FAM193A: variants seen among roughly 807,000 people sequenced by gnomAD.
FAM193A encodes family with sequence similarity 193 member A, also known as protein FAM193A.
Under a neutral mutation model 126.5 loss-of-function variants are expected in FAM193A, and 22 were observed. The ratio of observed to expected loss-of-function variants is 0.17; its 90% CI spans 0.12 to 0.25. The LOEUF (loss-of-function observed/expected upper bound fraction) is 0.25. Ranked by LOEUF, FAM193A falls within the 10% of genes least tolerant of loss-of-function variation. FAM193A has a pLI of 1.00. For synonymous variants in FAM193A, 761 were observed against 646.8 expected (o/e 1.18, Z -2.68); for missense variants, 1,675 against 1,672.8 (o/e 1.00, Z -0.02).
intron 6 of FAM193A, among the ~76,000 whole-genome samples, chr4:2,643,575 C>T (rs1312700348): frequency 6.6e-6 from 1 of 152,154 alleles, no homozygotes; most frequent in Admixed American, 6.5e-5. Context: ...TCCATTGTCC[C>T]CTTCTTTTTT....
intron 20 of FAM193A, 71 bp downstream of exon 20, chr4:2,716,175 T>G: frequency 1.0e-6 from 1 of 991,594 alleles, no homozygotes; most frequent in African/African-American, 1.6e-5. Context: ...TTTCTGTCTT[T>G]CCATGGCACT....
chr4:2,553,512 C>A (rs1335603990), intron 1 of FAM193A, among the ~76,000 whole-genome samples: 1 of 151,634 alleles, frequency 6.6e-6, no homozygotes, highest in African/African-American at 2.4e-5. Context: ...CCCTGAGTAG[C>A]TGGGACTACA....
chr4:2,662,872 G>A lies in FAM193A; in HGVS notation c.1780G>A (p.Ala594Thr). Residue 594 changes from alanine (A) to threonine (T), a missense_variant, in exon 11 of 21, where the codon GCC becomes ACC. Ala to Thr is a moderately conservative substitution (Grantham distance 58). Transcript: ENST00000637812. ...TGATGAAGATGTTGCACCATTGTCAGCCAAATTTGCTGATATTTATCCATT... is the reference window on the plus strand; with the variant it reads ...TGATGAAGATGTTGCACCATTGTCAACCAAATTTGCTGATATTTATCCATT... ...SDDEDVAPLS[A>T]KFADIYPLSN... is the part of the protein sequence containing the mutation. 6.2e-7 allele frequency: 1 copy of A among 1,611,624 alleles called. No individual in the cohort carries two copies. Among genetic ancestry groups the A allele is most frequent in the Non-Finnish European group, 8.5e-7 (1 of 1,177,968 alleles).
intron 19 of FAM193A, among the ~76,000 whole-genome samples, chr4:2,703,023 A>G (rs1179360836): frequency 1.3e-5 from 2 of 150,548 alleles, no homozygotes; most frequent in African/African-American, 2.4e-5. Context: ...TCAGTTTCTT[A>G]TTTGCTTTTC....
chr4:2,612,448 G>T (rs968397661), intron 2 of FAM193A, among the ~76,000 whole-genome samples: 3 of 152,016 alleles, frequency 2.0e-5, no homozygotes, highest in Non-Finnish European at 4.4e-5. Flanking sequence ...GCAGTGAGCC[G>T]AGATTGCACC....
chr4:2,639,532 G>A (rs550907170), intron 5 of FAM193A, among the ~76,000 whole-genome samples: 5 of 151,562 alleles, frequency 3.3e-5, no homozygotes, highest in East Asian at 1.9e-4. Flanking sequence ...ATCCATGTCC[G>A]TGTAGTCAGA....
intron 2 of FAM193A, among the ~76,000 whole-genome samples, chr4:2,601,288 A>G (rs1240259990): frequency 2.3e-5 from 3 of 131,544 alleles, no homozygotes; most frequent in Non-Finnish European, 4.6e-5. Flanking sequence ...GCTGGAGTGC[A>G]GTGGTGCGAT....
intron 20 of FAM193A, among the ~76,000 whole-genome samples, chr4:2,722,831 A>G (rs191985089): frequency 3.3e-5 from 5 of 152,302 alleles, no homozygotes; most frequent in South Asian, 2.1e-4. Flanking sequence ...TTAGAGACAA[A>G]TAAGTAAGTA....
At chr4:2,542,932 A>G (rs544635803) in intron 1 of FAM193A, among the ~76,000 whole-genome samples, 4 of 152,262 alleles carry the variant, frequency 2.6e-5, no homozygotes, top group South Asian at 2.1e-4. Flanking sequence ...GGTAGCTTCA[A>G]CAAAGGAGGA....
At position 2,547,524 on chromosome 4, in the gene FAM193A, A is replaced by G. The variant is rs528533201; in HGVS notation, c.255+10354A>G. On this transcript the variant is annotated intron_variant, in intron 1 of 20. Transcript: ENST00000637812. Reference sequence around the variant, plus strand: ...ACCTTGGCTTCCCAGTGTTAGGATTACAGGCGTGAGCCACCGCACCCAGCC... The same window carrying G: ...ACCTTGGCTTCCCAGTGTTAGGATTGCAGGCGTGAGCCACCGCACCCAGCC... 3.3e-5 allele frequency among the ~76,000 whole-genome samples: 5 copies of G among 151,892 alleles called. No homozygotes were observed. The South Asian group carries it at 1.0e-3, about 32-fold the overall frequency.
intron 19 of FAM193A, among the ~76,000 whole-genome samples, chr4:2,707,713 ATTTT>A (rs752751839): frequency 1.5e-5 from 2 of 130,816 alleles, no homozygotes; most frequent in African/African-American, 2.9e-5. Context: ...TATATTTCTT[ATTTT>A]TTTTTTTTTT....
chr4:2,562,934 ATTTC>A (rs1384648996), intron 1 of FAM193A, among the ~76,000 whole-genome samples: 4 of 129,554 alleles, frequency 3.1e-5, no homozygotes, highest in Non-Finnish European at 6.5e-5. Context: ...GGCGATTTGC[ATTTC>A]TTTCTTTCTT....
chr4:2,627,215 C>T (rs1009404151), intron 4 of FAM193A, among the ~76,000 whole-genome samples: 1 of 147,744 alleles, frequency 6.8e-6, no homozygotes, highest in African/African-American at 2.5e-5. Context: ...GGCTGTAGTC[C>T]AATGGCGTGA....
intron 1 of FAM193A, among the ~76,000 whole-genome samples, chr4:2,540,858 C>T (rs942199691): frequency 6.6e-5 from 10 of 150,554 alleles, no homozygotes; most frequent in Admixed American, 5.3e-4. Flanking sequence ...CTACTCCGGA[C>T]GCTGAGGCTG....
chr4:2,635,492 A>G (rs1743998706), intron 5 of FAM193A, among the ~76,000 whole-genome samples: 1 of 152,250 alleles, frequency 6.6e-6, no homozygotes, highest in African/African-American at 2.4e-5. Context: ...AGAATGTAAC[A>G]AATAATACAC....
chr4:2,565,276 T>TTTAAA (rs71178481), intron 1 of FAM193A, among the ~76,000 whole-genome samples: 2 of 47,884 alleles, frequency 4.2e-5, no homozygotes, highest in African/African-American at 8.1e-5. Flanking sequence ...TTTTTTTTTT[T>TTTAAA]AAAAGATGCA....
chr4:2,683,011 G>A (rs1577198758), intron 13 of FAM193A, among the ~76,000 whole-genome samples: 1 of 152,188 alleles, frequency 6.6e-6, no homozygotes, highest in Admixed American at 6.5e-5. Flanking sequence ...ATTTCTTGCA[G>A]GGCAGGTCTG....
At chr4:2,637,273 G>A (rs1459222405) in intron 5 of FAM193A, among the ~76,000 whole-genome samples, 1 of 152,172 alleles carries the variant, frequency 6.6e-6, no homozygotes, top group Non-Finnish European at 1.5e-5. Context: ...GTTGCAGTGA[G>A]CCAAGATTAC....
At chr4:2,715,905 A>G in intron 19 of FAM193A, 118 bp from the exon 20 acceptor site, 1 of 733,422 alleles carries the variant, frequency 1.4e-6, no homozygotes, top group Admixed American at 2.2e-5. Flanking sequence ...CTCATTTTAG[A>G]AAAAATGTTT....
Sources: gnomAD v4.1 joint callset for allele counts (sites outside exome capture counted in the v4.1 genomes callset) on GRCh38, gnomAD v4.1.1 for gene constraint, MANE v1.5 for transcripts, NCBI Gene and HGNC (gene_info 2026-07-23, HGNC 2026-07-21) for gene names.